The following FAM163B variants were observed in gnomAD, a reference collection of about 807,000 sequenced individuals.
FAM163B encodes the protein protein FAM163B.
A neutral mutation model predicts 7.6 loss-of-function variants in FAM163B; 4 were observed. The ratio of observed to expected loss-of-function variants is 0.52; its 90% CI spans 0.26 to 1.20. The LOEUF is 1.20. FAM163B is among the 50% of genes most tolerant of loss of function. The pLI is 0.14. For synonymous variants in FAM163B, 120 were observed against 111.6 expected, an observed-to-expected ratio of 1.07 and a Z score of -0.47; for missense variants, 250 against 243.0, an observed-to-expected ratio of 1.03 and a Z score of -0.19.
chr9:133,578,817 T>G lies in FAM163B; in HGVS notation c.*205A>C. ...TCTAGCCCCAGGCCCCAGCTGTGCC[T>G]CCCCCCAGGACACATTTGTGTTCAA... is the stretch of plus-strand genomic sequence containing the variant. On this transcript the variant is annotated 3_prime_UTR_variant, in exon 3 of 3. Coordinates refer to ENST00000673969, the MANE Select transcript of FAM163B (RefSeq NM_001080515.3). 1.0e-6 allele frequency: 1 copy of G among 955,516 alleles called. No homozygotes were observed. Among genetic ancestry groups the G allele is most frequent in the Non-Finnish European group, 1.4e-6 (1 of 695,232 alleles). 59.2% of individuals were successfully genotyped at this position (955,516 alleles called of 1,614,324 possible).
chr9:133,587,473 G>A (rs1831458130), intron 1 of FAM163B, among the ~76,000 whole-genome samples: 1 of 152,146 alleles, frequency 6.6e-6, no homozygotes, highest in Non-Finnish European at 1.5e-5. Context: ...GGCAGGACAG[G>A]GAGTGTCAGG....
intron 1 of FAM163B, among the ~76,000 whole-genome samples, chr9:133,598,012 T>A (rs544224183): frequency 1.3e-5 from 2 of 152,334 alleles, no homozygotes; most frequent in Non-Finnish European, 1.5e-5. Context: ...GGTCTGGACC[T>A]ACCACTGTGG....
chr9:133,598,746 C>T (rs1176553756), intron 1 of FAM163B, among the ~76,000 whole-genome samples: 1 of 152,136 alleles, frequency 6.6e-6, no homozygotes, highest in African/African-American at 2.4e-5. Flanking sequence ...GAGAGAGCAG[C>T]CTGAGAGTTA....
intron 1 of FAM163B, among the ~76,000 whole-genome samples, chr9:133,592,856 T>G (rs1013250327): frequency 2.6e-5 from 4 of 151,820 alleles, no homozygotes; most frequent in African/African-American, 7.3e-5. Flanking sequence ...AGCAACAGGC[T>G]GACCCCGGGC....
intron 1 of FAM163B, among the ~76,000 whole-genome samples, chr9:133,605,462 C>A (rs890877537): frequency 6.6e-6 from 1 of 152,194 alleles, no homozygotes; most frequent in Non-Finnish European, 1.5e-5. Flanking sequence ...CCCTGCCCAG[C>A]CTCCACCGGA....
Position 133,581,495 on chromosome 9 carries a change from A to T in FAM163B, c.-23-1249T>A, listed in dbSNP as rs939070497. On this transcript the variant is annotated intron_variant, in intron 1 of 2. Transcript: ENST00000673969. ...GCAGCATCTGACGGAGGAGGATTTTAAAAAAATTACCCAGCCTACGTTTAG... is the reference window on the plus strand; with the variant it reads ...GCAGCATCTGACGGAGGAGGATTTTTAAAAAATTACCCAGCCTACGTTTAG... Among the ~76,000 whole-genome samples, 38 of 152,246 alleles carry T rather than the reference A, an allele frequency of 2.5e-4. No homozygotes were observed. In the East Asian group the frequency reaches 2.7e-3, roughly 11 times the overall value.
intron 1 of FAM163B, among the ~76,000 whole-genome samples, chr9:133,587,981 T>TGGGAG (rs562118902): frequency 0.01 from 119 of 11,890 alleles, 1 homozygote; most frequent in Non-Finnish European, 0.014. Flanking sequence ...GGGGCGAGCC[T>TGGGAG]GGGAGGGGAG....
rs769950258 is a variant in FAM163B, at chr9:133,606,028, C to T, written c.-24+3049G>A. On this transcript the variant is annotated intron_variant, in intron 1 of 2. Coordinates refer to ENST00000673969, the MANE Select transcript of FAM163B (RefSeq NM_001080515.3). This position sits in a 1 kb window ranked among gnomAD's most constrained non-coding sequence, Gnocchi z 4.0. ...AGAGCCTGGTTCCTGTGGACTGCGGCGGAAAGCCCAACCACTGAGCAGGGC... is the reference window on the plus strand; with the variant it reads ...AGAGCCTGGTTCCTGTGGACTGCGGTGGAAAGCCCAACCACTGAGCAGGGC... Among the ~76,000 whole-genome samples the T allele has an allele frequency of 1.1e-4, 16 of 152,146 alleles. No individual in the cohort carries two copies. The highest frequency in any genetic ancestry group is 2.1e-4 in the South Asian group (1 of 4,828).
chr9:133,597,361 A>G (rs1831646725), intron 1 of FAM163B, among the ~76,000 whole-genome samples: 1 of 152,230 alleles, frequency 6.6e-6, no homozygotes, highest in South Asian at 2.1e-4. Context: ...AGTGGATGGA[A>G]TTAACCTCAG....
intron 1 of FAM163B, among the ~76,000 whole-genome samples, chr9:133,582,225 G>T (rs1237688035): frequency 2.0e-5 from 3 of 152,172 alleles, no homozygotes; most frequent in Non-Finnish European, 4.4e-5. Context: ...CCCTTTGCAG[G>T]CCCCGCGTGC....
intron 1 of FAM163B, among the ~76,000 whole-genome samples, chr9:133,605,322 C>T (rs75220102): frequency 0.068 from 10,354 of 152,280 alleles, 362 homozygotes; most frequent in Middle Eastern, 0.11. Flanking sequence ...GATGGAAACA[C>T]GGCTCTGCTG....
At chr9:133,586,729 G>A (rs7869883) in intron 1 of FAM163B, among the ~76,000 whole-genome samples, 34,827 of 152,156 alleles carry the variant, frequency 0.23, 4,181 homozygotes, top group African/African-American at 0.27. Context: ...GGGCCAGCCG[G>A]AGCTGCTGGG....
intron 1 of FAM163B, among the ~76,000 whole-genome samples, chr9:133,602,690 A>G (rs1304262771): frequency 6.6e-6 from 1 of 152,176 alleles, no homozygotes; most frequent in African/African-American, 2.4e-5. Context: ...AGTTGACTAC[A>G]TTTTTAATTT....
At chr9:133,604,776 G>A (rs1412331205) in intron 1 of FAM163B, among the ~76,000 whole-genome samples, 1 of 150,210 alleles carries the variant, frequency 6.7e-6, no homozygotes, top group Non-Finnish European at 1.5e-5. Flanking sequence ...TGCTGCTGCT[G>A]CTGGTCCCCG....
chr9:133,579,223 G>T lies in FAM163B; in HGVS notation c.300C>A (p.Pro100=), dbSNP rs908957643. 1.2e-5 allele frequency: 20 copies of T among 1,611,758 alleles called. No individual in the cohort carries two copies. Among genetic ancestry groups the T allele is most frequent in the Non-Finnish European group, 1.6e-5 (19 of 1,179,806 alleles). Residue 100 remains proline (P), a synonymous_variant, in exon 3 of 3, where the codon CCC becomes CCA. Coordinates refer to ENST00000673969, the MANE Select transcript of FAM163B (RefSeq NM_001080515.3). ...CCGGCGGCTCCTGCAGGAAGAAGGT[G>T]GGGGGCTCGCAGTGGGAGCAGCTGC... ...LCRSCSHCEP[P]TFFLQEPPEE... is the part of the protein sequence containing the mutation.
At chr9:133,604,000 C>T (rs780041590) in intron 1 of FAM163B, among the ~76,000 whole-genome samples, 63 of 152,226 alleles carry the variant, frequency 4.1e-4, no homozygotes, top group Non-Finnish European at 8.1e-4. Flanking sequence ...CCACCACGCC[C>T]GGCTCTCTTT....
rs1304240484 is a variant in FAM163B, at chr9:133,590,119, T to C, written c.-23-9873A>G. On this transcript the variant is annotated intron_variant, in intron 1 of 2. Coordinates refer to ENST00000673969, the MANE Select transcript of FAM163B (RefSeq NM_001080515.3). ...CCCTTCCCCTTCCCTTCCCCTCCCC[T>C]TCCCCTCCCCTTCCCCTCCCCTTCC... Among the ~76,000 whole-genome samples, 6 of 19,348 alleles carry C rather than the reference T, an allele frequency of 3.1e-4. 1 individual carries two copies. Among genetic ancestry groups the C allele is most frequent in the Non-Finnish European group, 4.1e-4 (4 of 9,664 alleles). 12.7% of individuals were successfully genotyped at this position (19,348 alleles called of 152,430 possible).
chr9:133,593,152 C>T (rs886978181), intron 1 of FAM163B, among the ~76,000 whole-genome samples: 1 of 152,192 alleles, frequency 6.6e-6, no homozygotes, highest in East Asian at 1.9e-4. Context: ...GGTTTCCCCC[C>T]CTGTATCGCT....
In FAM163B at chr9:133,578,573, A is replaced by C; in HGVS notation, c.*449T>G. The C allele has an allele frequency of 6.1e-6, 1 of 165,098 alleles. No individual in the cohort carries two copies. Among genetic ancestry groups the C allele is most frequent in the African/African-American group, 2.4e-5 (1 of 42,016 alleles). The allele number at this position is 165,098 out of a possible 1,614,324, so 10.2% of individuals were successfully genotyped here. A position where few individuals can be genotyped will look rare whatever the true frequency, so the allele number is the denominator to read the frequency against. On this transcript the variant is annotated 3_prime_UTR_variant, in exon 3 of 3. Coordinates refer to ENST00000673969, the MANE Select transcript of FAM163B (RefSeq NM_001080515.3). ...GGAGGAGCAGAATCCTTGGTCTGCA[A>C]TTGCCAGGGAGGGCCTTGCTGCAGG...
Sources: allele counts gnomAD v4.1 joint callset (sites outside exome capture counted in the v4.1 genomes callset), GRCh38; gene constraint gnomAD v4.1.1; non-coding constraint Gnocchi (gnomAD v3.1); transcripts MANE v1.5; gene names NCBI Gene and HGNC (gene_info 2026-07-23, HGNC 2026-07-21).